The following CDS1 variants were observed in gnomAD, a reference collection of about 807,000 sequenced individuals.
The protein encoded by CDS1 is CDP-diacylglycerol synthase 1, also known as phosphatidate cytidylyltransferase 1.
CDS1 carries 41 observed loss-of-function variants against 62.1 expected under a neutral mutation model. That is an observed-to-expected ratio of 0.66 (90% CI 0.51 to 0.86). The LOEUF (loss-of-function observed/expected upper bound fraction) is 0.86, where lower values mean the gene tolerates loss of function less well. CDS1 is among the 40% of genes least tolerant of loss of function. The probability of loss-of-function intolerance (pLI) is 0.00; values close to 1 mark genes in which losing one functional copy is unlikely to be tolerated. For missense variants in CDS1, 470 were observed against 550.1 expected (o/e 0.85, Z 1.46); for synonymous variants, 185 against 192.6 (o/e 0.96, Z 0.32).
At chr4:84,607,103 G>C (rs1365611608) in intron 2 of CDS1, among the ~76,000 whole-genome samples, 2 of 152,148 alleles carry the variant, frequency 1.3e-5, no homozygotes, top group Non-Finnish European at 2.9e-5. Context: ...AAATAAAGTT[G>C]AATGAATGCA....
intron 5 of CDS1, among the ~76,000 whole-genome samples, chr4:84,626,101 A>T (rs1038076637): frequency 1.3e-5 from 2 of 152,104 alleles, no homozygotes; most frequent in Admixed American, 1.3e-4. Context: ...CAGGAGGTGG[A>T]GGTTGCGGTG....
At chr4:84,602,289 G>A (rs1290311266) in intron 1 of CDS1, among the ~76,000 whole-genome samples, 1 of 152,158 alleles carries the variant, frequency 6.6e-6, no homozygotes, top group African/African-American at 2.4e-5. Flanking sequence ...GAAATCAGAA[G>A]CTTAAATAAT....
chr4:84,585,860 C>A (rs1032798438), intron 1 of CDS1, among the ~76,000 whole-genome samples: 1 of 152,134 alleles, frequency 6.6e-6, no homozygotes, highest in Non-Finnish European at 1.5e-5. Context: ...CTTCAAGGAA[C>A]CCTGCAGGAG....
chr4:84,605,081 T>C (rs1321959226), intron 2 of CDS1, among the ~76,000 whole-genome samples: 1 of 152,208 alleles, frequency 6.6e-6, no homozygotes. Context: ...ATTATAAAAT[T>C]TATAAAAGCA....
chr4:84,585,545 A>G (rs985615203), intron 1 of CDS1, among the ~76,000 whole-genome samples: 9 of 152,172 alleles, frequency 5.9e-5, no homozygotes, highest in African/African-American at 2.2e-4. Context: ...GGTCAATTCA[A>G]ACTCATTAAG....
At position 84,583,354 on chromosome 4, in the gene CDS1, G is replaced by T; in HGVS notation, c.-48G>T. On this transcript the variant is annotated 5_prime_UTR_variant, in exon 1 of 13. It adds an upstream start codon to the 5' untranslated region. Transcript: ENST00000295887. ...CCTGCAGAACCCTGCTTGCAGCTCA[G>T]GTTTCGGGGTGCTTGAGGAGGCCGC... 7.2e-7 allele frequency: 1 copy of T among 1,390,182 alleles called. No homozygotes were observed. Among genetic ancestry groups the T allele is most frequent in the South Asian group, 1.2e-5 (1 of 85,976 alleles). 86.1% of individuals were successfully genotyped at this position (1,390,182 alleles called of 1,614,324 possible).
chr4:84,622,569 G>T (rs949598867), intron 5 of CDS1, among the ~76,000 whole-genome samples: 2 of 152,062 alleles, frequency 1.3e-5, no homozygotes, highest in Non-Finnish European at 2.9e-5. Flanking sequence ...CTCCAGCCTG[G>T]GCGACAGAGC....
At chr4:84,646,979 T>A (rs1221619280) in intron 12 of CDS1, among the ~76,000 whole-genome samples, 1 of 152,182 alleles carries the variant, frequency 6.6e-6, no homozygotes, top group Non-Finnish European at 1.5e-5. Context: ...AGGATTGTCA[T>A]ATCTCTCCAT....
chr4:84,641,246 A>G (rs748901273), intron 10 of CDS1, among the ~76,000 whole-genome samples: 1 of 152,012 alleles, frequency 6.6e-6, no homozygotes, highest in Non-Finnish European at 1.5e-5. Flanking sequence ...TTTGTATTTT[A>G]AGTAGAGACG....
At chr4:84,631,668 C>T in intron 5 of CDS1, 151 bp from the exon 6 acceptor site, 1 of 629,926 alleles carries the variant, frequency 1.6e-6, no homozygotes, top group Non-Finnish European at 2.9e-6. Flanking sequence ...ACTTTAAATG[C>T]TTAATGTAAG....
chr4:84,604,100 TA>T, intron 1 of CDS1, 142 bp from the exon 2 acceptor site: 1 of 666,430 alleles, frequency 1.5e-6, no homozygotes, highest in Non-Finnish European at 2.5e-6. Flanking sequence ...ATAGCAGTGC[TA>T]AGATTTTCAA....
At chr4:84,624,486 C>G (rs1723795872) in intron 5 of CDS1, among the ~76,000 whole-genome samples, 1 of 151,798 alleles carries the variant, frequency 6.6e-6, no homozygotes, top group Admixed American at 6.6e-5. Flanking sequence ...CTCCCTTTTT[C>G]TTATGCAAGT....
chr4:84,590,459 A>G (rs1407110573), intron 1 of CDS1, among the ~76,000 whole-genome samples: 1 of 152,190 alleles, frequency 6.6e-6, no homozygotes, highest in Admixed American at 6.5e-5. Flanking sequence ...GTGAATTTTC[A>G]CTTAGTGTTT....
At chr4:84,631,668 C>A in intron 5 of CDS1, 151 bp from the exon 6 acceptor site, 1 of 629,920 alleles carries the variant, frequency 1.6e-6, no homozygotes, top group Non-Finnish European at 2.9e-6. Context: ...ACTTTAAATG[C>A]TTAATGTAAG....
intron 1 of CDS1, among the ~76,000 whole-genome samples, chr4:84,596,269 A>G (rs987646003): frequency 3.3e-5 from 5 of 152,140 alleles, no homozygotes; most frequent in African/African-American, 1.2e-4. Context: ...ACAAATCACT[A>G]AAAACTTAGT....
chr4:84,639,015 T>C (rs1031812469), intron 9 of CDS1, 23 bp downstream of exon 9: 5 of 1,265,778 alleles, frequency 4.0e-6, no homozygotes, highest in Non-Finnish European at 4.4e-6. Context: ...AAGATTTTTA[T>C]TTTGTATACA....
At position 84,651,236 on chromosome 4, in the gene CDS1, A is replaced by G. The variant is rs1214531183; in HGVS notation, c.*2550A>G. 1.3e-5 allele frequency: 2 copies of G among 152,194 alleles called. No individual in the cohort carries two copies. Among genetic ancestry groups the G allele is most frequent in the Admixed American group, 6.5e-5 (1 of 15,274 alleles). 9.4% of individuals were successfully genotyped at this position (152,194 alleles called of 1,614,324 possible). On this transcript the variant is annotated 3_prime_UTR_variant, in exon 13 of 13. Coordinates refer to ENST00000295887, the MANE Select transcript of CDS1 (RefSeq NM_001263.4). Reference sequence around the variant, plus strand: ...AAAAGAAAAAGCATAAACAGTGTATATTTAGGGTATATGGGTGATAGCTTA... The same window carrying G: ...AAAAGAAAAAGCATAAACAGTGTATGTTTAGGGTATATGGGTGATAGCTTA...
At chr4:84,622,434 C>CA (rs945320066) in intron 5 of CDS1, among the ~76,000 whole-genome samples, 5 of 150,154 alleles carry the variant, frequency 3.3e-5, no homozygotes, top group African/African-American at 4.9e-5. Flanking sequence ...ACTAAAAATA[C>CA]AAAAAAAAAT....
In CDS1 at chr4:84,594,898, T is replaced by G. The variant is rs200953601; in HGVS notation, c.118-9345T>G. 2.6e-5 allele frequency among the ~76,000 whole-genome samples: 4 copies of G among 152,050 alleles called. No individual in the cohort carries two copies. In the East Asian group the frequency reaches 7.7e-4, roughly 29 times the overall value. On this transcript the variant is annotated intron_variant, in intron 1 of 12. Transcript: ENST00000295887. ...TGCCCAGCTAATTTTTACATTTTTT[T>G]TGTAGAGATGGGGTCTCCCTATGTT...
Sources: gnomAD v4.1 joint callset for allele counts (sites outside exome capture counted in the v4.1 genomes callset) on GRCh38, gnomAD v4.1.1 for gene constraint, MANE v1.5 for transcripts, NCBI Gene and HGNC (gene_info 2026-07-23, HGNC 2026-07-21) for gene names.